The following SMCHD1 variants were observed in gnomAD, a reference collection of about 807,000 sequenced individuals.
SMCHD1 encodes structural maintenance of chromosomes flexible hinge domain containing 1.
In SMCHD1, 78 loss-of-function variants were observed where a neutral mutation model predicts 254.7. The ratio of observed to expected loss-of-function variants is 0.31; its 90% CI spans 0.26 to 0.37. The LOEUF (loss-of-function observed/expected upper bound fraction) is 0.37, where lower values mean the gene tolerates loss of function less well. Ranked by LOEUF, SMCHD1 falls within the 10% of genes least tolerant of loss-of-function variation. The pLI, the probability that SMCHD1 is intolerant of heterozygous loss-of-function variation, is 1.00. For synonymous variants in SMCHD1, 766 were observed against 794.9 expected, an observed-to-expected ratio of 0.96 and a Z score of 0.61; for missense variants, 1,840 against 2,408.1, an observed-to-expected ratio of 0.76 and a Z score of 4.94.
intron 45 of SMCHD1, among the ~76,000 whole-genome samples, chr18:2,785,937 C>T (rs542306363): frequency 6.6e-6 from 1 of 152,230 alleles, no homozygotes; most frequent in Admixed American, 6.5e-5. Context: ...GAATGTCCTT[C>T]CTTTGTAAGG....
chr18:2,740,605 CAA>C (rs1338488604), intron 27 of SMCHD1, 96 bp from the exon 28 acceptor site: 6 of 515,722 alleles, frequency 1.2e-5, no homozygotes, highest in Non-Finnish European at 1.9e-5. Flanking sequence ...AGTAAGAGAA[CAA>C]AGAGTAAGTT....
intron 27 of SMCHD1, 104 bp downstream of exon 27, chr18:2,739,624 T>C: frequency 1.3e-6 from 1 of 781,746 alleles, no homozygotes; most frequent in Non-Finnish European, 2.1e-6. Context: ...GCTTTTGGGT[T>C]CATATAATGT....
chr18:2,705,650 T>G (rs751838377), intron 13 of SMCHD1, 44 bp from the exon 14 acceptor site: 1 of 995,110 alleles, frequency 1.0e-6, no homozygotes, highest in Non-Finnish European at 1.5e-6. Flanking sequence ...TCTTCGTAAA[T>G]CTTAATACTG....
chr18:2,767,552 A>G (rs2075889841), intron 37 of SMCHD1, among the ~76,000 whole-genome samples: 1 of 147,578 alleles, frequency 6.8e-6, no homozygotes, highest in South Asian at 2.2e-4. Flanking sequence ...ATAGCCTACT[A>G]TACACCTGGG....
chr18:2,744,436 A>T (rs556349437), intron 29 of SMCHD1, among the ~76,000 whole-genome samples: 14 of 149,070 alleles, frequency 9.4e-5, no homozygotes, highest in Admixed American at 7.3e-4. Flanking sequence ...TTTTTTTTTT[A>T]CTGAAGTTTC....
chr18:2,789,431 A>G (rs2076285210), intron 45 of SMCHD1, among the ~76,000 whole-genome samples: 1 of 152,184 alleles, frequency 6.6e-6, no homozygotes, highest in South Asian at 2.1e-4. Flanking sequence ...GGCTAAGTGG[A>G]AGGTGAATAA....
At chr18:2,738,737 T>G (rs989609723) in intron 26 of SMCHD1, among the ~76,000 whole-genome samples, 192 bp downstream of exon 26, 10 of 152,210 alleles carry the variant, frequency 6.6e-5, no homozygotes, top group Non-Finnish European at 4.4e-5. Context: ...TGAATTGGCC[T>G]TCTAGTAGCT....
chr18:2,770,056 T>C lies in SMCHD1; in HGVS notation c.4914T>C (p.Val1638=). 6.2e-7 allele frequency: 1 copy of C among 1,604,932 alleles called. No individual in the cohort carries two copies. Among genetic ancestry groups the C allele is most frequent in the Non-Finnish European group, 8.5e-7 (1 of 1,177,712 alleles). Residue 1638 remains valine, a synonymous_variant, in exon 39 of 48, where the codon GTT becomes GTC. Coordinates refer to ENST00000320876, the MANE Select transcript of SMCHD1 (RefSeq NM_015295.3). Reference sequence around the variant, plus strand: ...AGGACCAATTATCTCAGTCTATTGTTATGTATAAAAGTTTATTTGAAGCCA... The same window carrying C: ...AGGACCAATTATCTCAGTCTATTGTCATGTATAAAAGTTTATTTGAAGCCA... The part of the protein sequence containing the change: ...KEKDQLSQSI[V]MYKSLFEASQ...
At chr18:2,777,420 A>G (rs1028176712) in intron 42 of SMCHD1, among the ~76,000 whole-genome samples, 1 of 152,178 alleles carries the variant, frequency 6.6e-6, no homozygotes, top group African/African-American at 2.4e-5. Context: ...TGCCTTCCTC[A>G]TATGTGTCTC....
rs1422937336 is a variant in SMCHD1 at position 2,729,317 on chromosome 18, A to G, written c.2956A>G (p.Ser986Gly). The G allele has an allele frequency of 6.4e-7, 1 of 1,559,148 alleles. No homozygotes were observed. The highest frequency in any genetic ancestry group is 8.7e-7 in the Non-Finnish European group (1 of 1,152,644). ...CCTTCCAGTCTATGTTGTAGATTGCAGTAGTTCTGGAACCAGTATTTTAAC... is the reference window on the plus strand; with the variant it reads ...CCTTCCAGTCTATGTTGTAGATTGCGGTAGTTCTGGAACCAGTATTTTAAC... Reference protein sequence around the residue: ...PNLPVYVVDCSSSGTSILTGS... With the variant: ...PNLPVYVVDCGSSGTSILTGS... The change falls in exon 24 of 48, where the codon AGT (serine) becomes GGT (glycine). Residue 986 changes from serine to glycine, a missense_variant. Physicochemically the swap from Ser to Gly is moderately conservative, Grantham distance 56 (BLOSUM62 0). Coordinates refer to ENST00000320876, the MANE Select transcript of SMCHD1 (RefSeq NM_015295.3).
At chr18:2,790,662 G>A (rs190719856) in intron 45 of SMCHD1, among the ~76,000 whole-genome samples, 29 of 152,186 alleles carry the variant, frequency 1.9e-4, no homozygotes, top group African/African-American at 7.0e-4. Flanking sequence ...TTGGGAGGCT[G>A]AGACAAGAGA....
intron 24 of SMCHD1, among the ~76,000 whole-genome samples, chr18:2,729,612 AT>A (rs1429208739): frequency 1.3e-5 from 2 of 151,800 alleles, no homozygotes; most frequent in African/African-American, 4.8e-5. Context: ...AATTGTCTTG[AT>A]TTTTACAGTG....
intron 27 of SMCHD1, 46 bp from the exon 28 acceptor site, chr18:2,740,657 C>G: frequency 1.9e-6 from 2 of 1,048,890 alleles, no homozygotes; most frequent in Non-Finnish European, 2.8e-6. Flanking sequence ...ATATTTATAT[C>G]TTCTATTAAA....
intron 12 of SMCHD1, among the ~76,000 whole-genome samples, chr18:2,701,421 A>G (rs985408338): frequency 3.3e-5 from 5 of 152,204 alleles, no homozygotes; most frequent in African/African-American, 9.6e-5. Flanking sequence ...TTGGTCTCCC[A>G]AAATGTTGGG....
chr18:2,783,183 G>T (rs2076185294), intron 44 of SMCHD1, among the ~76,000 whole-genome samples: 1 of 152,176 alleles, frequency 6.6e-6, no homozygotes, highest in Admixed American at 6.5e-5. Flanking sequence ...AGACATGTAA[G>T]TTTACTACTT....
chr18:2,658,400 G>C (rs1244265842), intron 1 of SMCHD1, among the ~76,000 whole-genome samples: 2 of 152,178 alleles, frequency 1.3e-5, no homozygotes, highest in East Asian at 3.8e-4. Flanking sequence ...TTCAAACCCA[G>C]AACCTCTGTT....
At chr18:2,782,304 T>C (rs2076168889) in intron 44 of SMCHD1, among the ~76,000 whole-genome samples, 1 of 152,144 alleles carries the variant, frequency 6.6e-6, no homozygotes. Context: ...TGAGGGAGAA[T>C]TGAGAAACTG....
chr18:2,724,427 A>G (rs963732860), intron 20 of SMCHD1, among the ~76,000 whole-genome samples: 1 of 151,932 alleles, frequency 6.6e-6, no homozygotes, highest in Non-Finnish European at 1.5e-5. Flanking sequence ...CCTGTCTGTT[A>G]TTATTTGGAC....
intron 3 of SMCHD1, among the ~76,000 whole-genome samples, chr18:2,672,600 A>G (rs187902952): frequency 5.3e-5 from 8 of 152,344 alleles, no homozygotes; most frequent in African/African-American, 1.4e-4. Flanking sequence ...TAAATTTGAT[A>G]TGTTCCCTTT....
Sources: gnomAD v4.1 joint callset for allele counts (sites outside exome capture counted in the v4.1 genomes callset) on GRCh38, gnomAD v4.1.1 for gene constraint, MANE v1.5 for transcripts, NCBI Gene and HGNC (gene_info 2026-07-23, HGNC 2026-07-21) for gene names.